Variants in TMEM232 observed in about 807,000 individuals in gnomAD.
The protein encoded by TMEM232 is transmembrane protein 232.
Under a neutral mutation model 78.8 loss-of-function variants are expected in TMEM232, and 80 were observed. That is an observed-to-expected ratio of 1.01 (90% CI 0.85 to 1.22). The LOEUF (loss-of-function observed/expected upper bound fraction) is 1.22. TMEM232 is among the 50% of genes most tolerant of loss of function. TMEM232 has a pLI of 0.00. For synonymous variants in TMEM232, 297 were observed against 254.3 expected (o/e 1.17, Z -1.60); for missense variants, 881 against 742.2 (o/e 1.19, Z -2.17).
chr5:110,516,311 T>G (rs997332044), intron 12 of TMEM232, among the ~76,000 whole-genome samples: 1 of 152,186 alleles, frequency 6.6e-6, no homozygotes, highest in Non-Finnish European at 1.5e-5. Context: ...TCTCCTAGTC[T>G]TTATACATAT....
intron 1 of TMEM232, among the ~76,000 whole-genome samples, chr5:110,717,267 A>G (rs1797107803): frequency 6.6e-6 from 1 of 151,984 alleles, no homozygotes; most frequent in African/African-American, 2.4e-5. Flanking sequence ...TAATAAAAGT[A>G]TAAAGTTTTC....
intron 12 of TMEM232, among the ~76,000 whole-genome samples, chr5:110,478,342 C>T (rs1240894476): frequency 6.6e-6 from 1 of 151,886 alleles, no homozygotes; most frequent in Non-Finnish European, 1.5e-5. Context: ...AGATTTCTTC[C>T]TTTCCTTTTG....
chr5:110,678,576 C>A (rs1463765044), intron 1 of TMEM232, among the ~76,000 whole-genome samples: 1 of 152,148 alleles, frequency 6.6e-6, no homozygotes, highest in African/African-American at 2.4e-5. Flanking sequence ...CGGTGTTGCA[C>A]ATTCTATGGG....
chr5:110,657,352 T>C (rs1025140954), intron 2 of TMEM232, among the ~76,000 whole-genome samples: 12 of 151,452 alleles, frequency 7.9e-5, no homozygotes, highest in African/African-American at 2.9e-4. Context: ...TCAACCTATA[T>C]GTGCATCTAA....
At chr5:110,737,740 T>C (rs1040267074) in intron 1 of TMEM232, among the ~76,000 whole-genome samples, 1 of 152,230 alleles carries the variant, frequency 6.6e-6, no homozygotes, top group Non-Finnish European at 1.5e-5. Flanking sequence ...TTAAAGCTAC[T>C]GTTCCATTGT....
chr5:110,550,090 A>G (rs1774269722), intron 11 of TMEM232, among the ~76,000 whole-genome samples: 1 of 152,182 alleles, frequency 6.6e-6, no homozygotes, highest in South Asian at 2.1e-4. Flanking sequence ...CAAATAGAGC[A>G]ATATTTACAT....
chr5:110,541,251 G>A (rs946885597), intron 11 of TMEM232, among the ~76,000 whole-genome samples: 1 of 152,150 alleles, frequency 6.6e-6, no homozygotes, highest in African/African-American at 2.4e-5. Flanking sequence ...TGCTCATTGT[G>A]TGCACTTAAC....
At chr5:110,678,732 T>C (rs1387616501) in intron 1 of TMEM232, among the ~76,000 whole-genome samples, 1 of 151,880 alleles carries the variant, frequency 6.6e-6, no homozygotes, top group Non-Finnish European at 1.5e-5. Context: ...TTTTACTGTC[T>C]GTAGTTTTGC....
chr5:110,533,572 C>A (rs571127004), intron 11 of TMEM232, among the ~76,000 whole-genome samples: 57 of 152,326 alleles, frequency 3.7e-4, no homozygotes, highest in African/African-American at 1.3e-3. Flanking sequence ...CTTCCAAAAT[C>A]TGTTTTCTTC....
At chr5:110,490,747 T>C (rs1451536547) in intron 12 of TMEM232, among the ~76,000 whole-genome samples, 2 of 152,070 alleles carry the variant, frequency 1.3e-5, no homozygotes, top group Admixed American at 6.6e-5. Context: ...ATTCAATAAA[T>C]AGTGCAAGGA....
chr5:110,650,831 T>TG (rs1561454038), intron 2 of TMEM232, among the ~76,000 whole-genome samples: 1 of 152,148 alleles, frequency 6.6e-6, no homozygotes, highest in African/African-American at 2.4e-5. Context: ...AATAGTCATG[T>TG]ATTAACATGG....
chr5:110,715,110 T>C (rs371664387), intron 1 of TMEM232, among the ~76,000 whole-genome samples: 1 of 152,104 alleles, frequency 6.6e-6, no homozygotes, highest in East Asian at 1.9e-4. Flanking sequence ...CAATAAACAA[T>C]ATACCTAAAA....
At chr5:110,677,345 G>C (rs1015571710) in intron 1 of TMEM232, among the ~76,000 whole-genome samples, 1 of 151,146 alleles carries the variant, frequency 6.6e-6, no homozygotes, top group South Asian at 2.1e-4. Context: ...TGCTATCTTA[G>C]TTTCAATTTG....
intron 3 of TMEM232, among the ~76,000 whole-genome samples, chr5:110,641,727 T>C (rs1054689287): frequency 3.3e-5 from 5 of 152,318 alleles, no homozygotes; most frequent in Admixed American, 2.0e-4. Context: ...AAAATATGTA[T>C]GTTATTTCTC....
At chr5:110,500,601 T>C (rs192593819) in intron 12 of TMEM232, among the ~76,000 whole-genome samples, 22 of 152,094 alleles carry the variant, frequency 1.4e-4, no homozygotes, top group African/African-American at 5.1e-4. Flanking sequence ...AATTCAATGA[T>C]CTAAGTTTCC....
intron 12 of TMEM232, among the ~76,000 whole-genome samples, chr5:110,449,587 C>A (rs1016044257): frequency 7.3e-5 from 11 of 151,678 alleles, no homozygotes; most frequent in African/African-American, 2.2e-4. Flanking sequence ...TTTCTTTAAC[C>A]TGATTCTACC....
intron 7 of TMEM232, among the ~76,000 whole-genome samples, chr5:110,624,429 C>T (rs1784157167): frequency 3.3e-5 from 5 of 151,998 alleles, no homozygotes; most frequent in South Asian, 4.1e-4. Flanking sequence ...GGAAGTTTGG[C>T]GAGATTGGTG....
At chr5:110,662,739 G>A (rs1399408969) in intron 2 of TMEM232, among the ~76,000 whole-genome samples, 1 of 151,964 alleles carries the variant, frequency 6.6e-6, no homozygotes, top group African/African-American at 2.4e-5. Flanking sequence ...GTAGAGAAAG[G>A]ATTTTTTCCA....
At chr5:110,619,953 A>C (rs1580383824) in intron 7 of TMEM232, among the ~76,000 whole-genome samples, 1 of 152,112 alleles carries the variant, frequency 6.6e-6, no homozygotes, top group South Asian at 2.1e-4. Flanking sequence ...ATAAAAAAAA[A>C]CTTCGGAGTG....
Sources: gnomAD v4.1 joint callset for allele counts (sites outside exome capture counted in the v4.1 genomes callset) on GRCh38, gnomAD v4.1.1 for gene constraint, MANE v1.5 for transcripts, NCBI Gene and HGNC (gene_info 2026-07-23, HGNC 2026-07-21) for gene names.